Variants in PSTPIP1 observed in about 807,000 individuals in gnomAD.
PSTPIP1 encodes proline-serine-threonine phosphatase-interacting protein 1.
A neutral mutation model predicts 69.6 loss-of-function variants in PSTPIP1; 66 were observed. That is an observed-to-expected ratio of 0.95 (90% CI 0.78 to 1.16). The LOEUF (loss-of-function observed/expected upper bound fraction) is 1.16. Among genes scored for constraint, PSTPIP1 ranks in the 50% most tolerant of loss-of-function variants. The probability of loss-of-function intolerance (pLI) is 0.00; values close to 1 mark genes in which losing one functional copy is unlikely to be tolerated. For synonymous variants in PSTPIP1, 266 were observed against 222.7 expected (o/e 1.19, Z -1.73); for missense variants, 603 against 557.4 (o/e 1.08, Z -0.82).
chr15:77,022,505 A>G (rs185038806), intron 3 of PSTPIP1, among the ~76,000 whole-genome samples: 3 of 152,320 alleles, frequency 2.0e-5, no homozygotes, highest in Admixed American at 2.0e-4. Flanking sequence ...TGCGATGGAG[A>G]CACAGTAGAG....
At chr15:76,995,679 T>C (rs1596029296) in intron 1 of PSTPIP1, 70 bp downstream of exon 1, 1 of 1,608,972 alleles carries the variant, frequency 6.2e-7, no homozygotes, top group East Asian at 2.2e-5. Flanking sequence ...TCCATGCAGG[T>C]GATGGGATGC....
rs760205701 is a variant in PSTPIP1, at chr15:77,028,562, G to A, written c.426G>A (p.Lys142=). 8.7e-6 allele frequency: 14 copies of A among 1,601,018 alleles called. No individual in the cohort carries two copies. The highest frequency in any genetic ancestry group is 3.3e-4 in the Middle Eastern group (2 of 6,068). ...SLYKKAMESK[K]TYEQKCRDAD... Reference sequence around the variant, plus strand: ...CCCCTCCACACCCCCAGTCCAAGAAGACATACGAGCAGAAGTGCCGGGACG... The same window carrying A: ...CCCCTCCACACCCCCAGTCCAAGAAAACATACGAGCAGAAGTGCCGGGACG... The change falls in exon 7 of 15, where the codon AAG becomes AAA. Residue 142 remains lysine (K), a synonymous_variant. Coordinates refer to ENST00000558012, the MANE Select transcript of PSTPIP1 (RefSeq NM_003978.5).
rs200256020 is a variant in PSTPIP1 at position 77,037,025 on chromosome 15, G to C, written c.1120-20G>C. On this transcript the variant is annotated intron_variant, in intron 14 of 14. Transcript: ENST00000558012. ...CCTGCAGGCCCTTCCAACGTCATGC[G>C]CTTTCAATCTCTTGGCCAGAACCCA... is the stretch of plus-strand genomic sequence containing the variant. The C allele has an allele frequency of 1.2e-6, 2 of 1,610,362 alleles. No homozygotes were observed. The highest frequency in any genetic ancestry group is 1.7e-5 in the Admixed American group (1 of 59,928).
chr15:77,031,504 G>GA (rs1404353494), intron 10 of PSTPIP1: 1 of 447,252 alleles, frequency 2.2e-6, no homozygotes, highest in African/African-American at 2.0e-5. Flanking sequence ...ATGACTCTGT[G>GA]GTTCCCCTGA....
At chr15:77,012,869 C>T (rs1381345124) in intron 1 of PSTPIP1, among the ~76,000 whole-genome samples, 2 of 152,156 alleles carry the variant, frequency 1.3e-5, no homozygotes, top group Non-Finnish European at 1.5e-5. Context: ...CGTCATAAGG[C>T]CTTGTCCTCT....
At chr15:77,036,624 C>T (rs183867383) in intron 14 of PSTPIP1, among the ~76,000 whole-genome samples, 336 of 152,134 alleles carry the variant, frequency 2.2e-3, no homozygotes, top group Middle Eastern at 6.8e-3. Context: ...GGCCAGGGCT[C>T]GGGGAGGCAG....
chr15:77,025,162 G>T, intron 3 of PSTPIP1, 122 bp from the exon 4 acceptor site: 2 of 1,120,950 alleles, frequency 1.8e-6, no homozygotes, highest in South Asian at 2.6e-5. Flanking sequence ...GTTCTAGAGT[G>T]ACCCAGGGTC....
intron 1 of PSTPIP1, among the ~76,000 whole-genome samples, chr15:76,999,795 C>T (rs900070018): frequency 2.0e-5 from 3 of 152,212 alleles, no homozygotes; most frequent in Non-Finnish European, 2.9e-5. Flanking sequence ...TCAACTGTGC[C>T]ATCCTCTCCC....
At position 77,035,569 on chromosome 15, in the gene PSTPIP1, G is replaced by A. The variant is rs139552419; in HGVS notation, c.985+6G>A. 2 of 1,575,858 alleles carry A rather than the reference G, an allele frequency of 1.3e-6. No individual in the cohort carries two copies. The highest frequency in any genetic ancestry group is 1.7e-6 in the Non-Finnish European group (2 of 1,161,304). On this transcript the variant is annotated splice_donor_region_variant and intron_variant, in intron 13 of 14. Coordinates refer to ENST00000558012, the MANE Select transcript of PSTPIP1 (RefSeq NM_003978.5). ...TTCGTTGGCAGCTTCTGCTGGTAAA[G>A]GGGGTCAGGAGGGGACCCCCAAACA...
intron 1 of PSTPIP1, among the ~76,000 whole-genome samples, chr15:77,010,463 C>T (rs2075911748): frequency 6.6e-6 from 1 of 152,152 alleles, no homozygotes; most frequent in Admixed American, 6.5e-5. Context: ...CTCAGTCTGG[C>T]CTCAGGCCAC....
At chr15:77,030,474 C>A (rs908314386) in intron 8 of PSTPIP1, 28 bp from the exon 9 acceptor site, 2 of 1,605,358 alleles carry the variant, frequency 1.2e-6, no homozygotes, top group South Asian at 1.1e-5. Context: ...CGTGTCAGGG[C>A]CCTCCCTGAG....
At chr15:77,025,134 T>C (rs1596103795) in intron 3 of PSTPIP1, 150 bp from the exon 4 acceptor site, 1 of 822,476 alleles carries the variant, frequency 1.2e-6, no homozygotes, top group East Asian at 2.5e-5. Flanking sequence ...GGTCACCATC[T>C]GGCTAAAGGG....
chr15:77,017,006 T>G (rs1269286318), intron 1 of PSTPIP1, among the ~76,000 whole-genome samples: 1 of 152,142 alleles, frequency 6.6e-6, no homozygotes, highest in African/African-American at 2.4e-5. Flanking sequence ...CTCCAGTCTC[T>G]GAGGCTTTAG....
At chr15:77,026,249 A>C (rs1231750937) in intron 5 of PSTPIP1, 2 of 454,632 alleles carry the variant, frequency 4.4e-6, no homozygotes. Flanking sequence ...CCTGGAGGGC[A>C]GGCAGGACGC....
chr15:77,018,424 CTGA>C (rs751587689), intron 2 of PSTPIP1, 30 bp from the exon 3 acceptor site: 1 of 1,558,024 alleles, frequency 6.4e-7, no homozygotes, highest in Admixed American at 1.9e-5. Context: ...TGGCAAGTCA[CTGA>C]TGATCTTTCA....
intron 12 of PSTPIP1, among the ~76,000 whole-genome samples, chr15:77,035,009 C>T (rs2076522237): frequency 6.6e-6 from 1 of 152,226 alleles, no homozygotes; most frequent in South Asian, 2.1e-4. Context: ...TGGCTCGGCC[C>T]AGGCAGTGGA....
intron 12 of PSTPIP1, among the ~76,000 whole-genome samples, chr15:77,035,276 G>A (rs1176329232): frequency 6.6e-6 from 1 of 152,192 alleles, no homozygotes; most frequent in Non-Finnish European, 1.5e-5. Flanking sequence ...CCTGCAGAGG[G>A]CGCCAGTGGA....
In PSTPIP1 at chr15:76,995,505, T is replaced by C. The variant is rs1388644352; in HGVS notation, c.-69T>C. 3 of 1,612,154 alleles carry C rather than the reference T, an allele frequency of 1.9e-6. No homozygotes were observed. Among genetic ancestry groups the C allele is most frequent in the Non-Finnish European group, 2.5e-6 (3 of 1,179,260 alleles). ...CCTGCCAGGACTGGGACGCTGCTGCTGGCGCCTGGCCCTCCATCAGGCCAG... is the reference window on the plus strand; with the variant it reads ...CCTGCCAGGACTGGGACGCTGCTGCCGGCGCCTGGCCCTCCATCAGGCCAG... On this transcript the variant is annotated 5_prime_UTR_variant, in exon 1 of 15. Transcript: ENST00000558012.
chr15:77,030,250 A>T (rs112105697), intron 8 of PSTPIP1, among the ~76,000 whole-genome samples: 2 of 152,336 alleles, frequency 1.3e-5, no homozygotes, highest in South Asian at 2.1e-4. Context: ...CCAGAGGCCA[A>T]TACTCTGGAC....
Sources: allele counts gnomAD v4.1 joint callset (sites outside exome capture counted in the v4.1 genomes callset), GRCh38; gene constraint gnomAD v4.1.1; transcripts MANE v1.5; gene names NCBI Gene and HGNC (gene_info 2026-07-23, HGNC 2026-07-21).